Variants in MARK3 observed in about 807,000 individuals in gnomAD.
MARK3 encodes MAP/microtubule affinity-regulating kinase 3.
Under a neutral mutation model 90.1 loss-of-function variants are expected in MARK3, and 46 were observed. The observed-to-expected ratio is 0.51, with a 90% CI of 0.40 to 0.65. The LOEUF (loss-of-function observed/expected upper bound fraction) is 0.65, where lower values mean the gene tolerates loss of function less well. Among genes scored for constraint, MARK3 ranks in the 30% least tolerant of loss-of-function variants. The pLI is 0.00. For missense variants in MARK3, 818 were observed against 947.2 expected (o/e 0.86, Z 1.79); for synonymous variants, 321 against 332.6 (o/e 0.97, Z 0.38).
Position 103,466,960 on chromosome 14 carries a change from C to T in MARK3, c.998-119C>T, listed in dbSNP as rs541178844. 9.7e-4 allele frequency: 475 copies of T among 490,884 alleles called. 9 individuals are homozygous for T. In the South Asian group the frequency reaches 0.013, roughly 13 times the overall value. The allele number at this position is 490,884 out of a possible 1,614,324, so 30.4% of individuals were successfully genotyped here. On this transcript the variant is annotated intron_variant, in intron 10 of 17. Transcript: ENST00000429436. ...TGGAGGTTGCGGTGAGCCAAGATCG[C>T]GCCATTGCACTCCAGCCTGGGCAAC...
chr14:103,392,254 T>G (rs1356065903), intron 1 of MARK3, among the ~76,000 whole-genome samples: 1 of 152,222 alleles, frequency 6.6e-6, no homozygotes, highest in East Asian at 1.9e-4. Context: ...GTAGAGGCCA[T>G]ATACCTGGGA....
intron 14 of MARK3, chr14:103,490,967 C>T (rs770534608): frequency 3.9e-6 from 5 of 1,276,764 alleles, no homozygotes; most frequent in South Asian, 2.5e-5. Flanking sequence ...CAGAAATGTT[C>T]GCTTACGCAG....
intron 12 of MARK3, among the ~76,000 whole-genome samples, chr14:103,470,546 C>A (rs953524375): frequency 7.1e-6 from 1 of 140,212 alleles, no homozygotes; most frequent in African/African-American, 2.6e-5. Context: ...ACCTCCGCCT[C>A]CTGGGTTCTA....
chr14:103,427,265 C>G (rs1326341574), intron 2 of MARK3, among the ~76,000 whole-genome samples: 1 of 150,900 alleles, frequency 6.6e-6, no homozygotes, highest in Non-Finnish European at 1.5e-5. Flanking sequence ...ATTGGGAGGC[C>G]GAGGCAGGTG....
intron 3 of MARK3, among the ~76,000 whole-genome samples, chr14:103,440,725 G>T (rs2092829325): frequency 6.6e-6 from 1 of 151,942 alleles, no homozygotes. Context: ...TCCAAGCCAG[G>T]AGTTCAAGAA....
rs978343067 is a variant in MARK3 at position 103,412,143 on chromosome 14, C to T, written c.243+6876C>T. On this transcript the variant is annotated intron_variant, in intron 2 of 17. Transcript: ENST00000429436. ...CTTAATATAGGCGCTGGGGCTTGCC[C>T]GTGGTGCTCTTGATATATAAGGCCC... 2.2e-5 allele frequency: 30 copies of T among 1,349,326 alleles called. No homozygotes were observed. In the Admixed American group the frequency reaches 4.2e-4, roughly 19 times the overall value. The allele number at this position is 1,349,326 out of a possible 1,614,324, so 83.6% of individuals were successfully genotyped here. A position where few individuals can be genotyped will look rare whatever the true frequency, so the allele number is the denominator to read the frequency against.
intron 3 of MARK3, among the ~76,000 whole-genome samples, chr14:103,429,644 T>A (rs1192899887): frequency 6.6e-6 from 1 of 152,178 alleles, no homozygotes; most frequent in African/African-American, 2.4e-5. Context: ...CTTCTCAAGG[T>A]GGGCATGAAA....
chr14:103,492,299 G>A (rs1001431974), intron 15 of MARK3, among the ~76,000 whole-genome samples: 2 of 152,028 alleles, frequency 1.3e-5, no homozygotes, highest in South Asian at 2.1e-4. Flanking sequence ...TTTTGCTCAC[G>A]TATCTGTCTG....
intron 14 of MARK3, among the ~76,000 whole-genome samples, chr14:103,485,230 C>G (rs1243990470): frequency 4.0e-5 from 3 of 75,594 alleles, no homozygotes; most frequent in African/African-American, 1.2e-4. Context: ...AACCCCATCT[C>G]AAAGAAAAAA....
intron 15 of MARK3, among the ~76,000 whole-genome samples, chr14:103,498,289 C>A (rs2075456378): frequency 1.3e-5 from 2 of 151,196 alleles, no homozygotes; most frequent in African/African-American, 4.9e-5. Context: ...CCTTTTCTTA[C>A]TTTTTTTTGA....
intron 15 of MARK3, among the ~76,000 whole-genome samples, chr14:103,494,559 A>AAAC (rs1445447078): frequency 6.6e-6 from 1 of 151,740 alleles, no homozygotes; most frequent in Non-Finnish European, 1.5e-5. Flanking sequence ...AAAAAAAAAA[A>AAAC]AAAAAAGACT....
chr14:103,412,776 C>G, intron 2 of MARK3: 1 of 472,364 alleles, frequency 2.1e-6, no homozygotes, highest in South Asian at 1.8e-5. Flanking sequence ...TCTCATGCCA[C>G]GCTAACCAGA....
Position 103,468,147 on chromosome 14 carries a change from G to T in MARK3, c.1225G>T (p.Val409Phe). 6.2e-7 allele frequency: 1 copy of T among 1,613,894 alleles called. No homozygotes were observed. Among genetic ancestry groups the T allele is most frequent in the South Asian group, 1.1e-5 (1 of 91,074 alleles). ...QSPHHKVQRS[V>F]SSSQKQRRYS... ...TCCTCACCACAAAGTGCAGAGAAGT[G>T]TTTCTTCAAGCCAAAAGCAAAGACG... Residue 409 changes from valine to phenylalanine, a missense_variant, in exon 12 of 18, where the codon GTT becomes TTT. Coordinates refer to ENST00000429436, the MANE Select transcript of MARK3 (RefSeq NM_001128918.3).
intron 1 of MARK3, among the ~76,000 whole-genome samples, chr14:103,388,289 C>T (rs2089969976): frequency 6.6e-6 from 1 of 152,190 alleles, no homozygotes; most frequent in Non-Finnish European, 1.5e-5. Flanking sequence ...TATCACACAT[C>T]GTTGCATTAA....
chr14:103,466,434 A>T lies in MARK3; in HGVS notation c.989A>T (p.Lys330Ile). Residue 330 changes from lysine (K) to isoleucine (I), a missense_variant, in exon 10 of 18, where the codon AAA (lysine) becomes ATA (isoleucine). Coordinates refer to ENST00000429436, the MANE Select transcript of MARK3 (RefSeq NM_001128918.3). Reference protein sequence around the residue: ...VEPELDISDQKRIDIMVGMGY... With the variant: ...VEPELDISDQIRIDIMVGMGY... ...CCAGAGCTAGACATCTCAGACCAAA[A>T]AAGAATAGGTAATCACTCCATGCCT... 2 of 1,608,424 alleles carry T rather than the reference A, an allele frequency of 1.2e-6. No individual in the cohort carries two copies. The highest frequency in any genetic ancestry group is 1.7e-6 in the Non-Finnish European group (2 of 1,175,200).
At position 103,459,685 on chromosome 14, in the gene MARK3, GTA is replaced by G. The variant is rs1221320857; in HGVS notation, c.483+2474_483+2475del. Among the ~76,000 whole-genome samples, 737 of 109,998 alleles carry G rather than the reference GTA, an allele frequency of 6.7e-3. 3 individuals carry two copies. Among genetic ancestry groups the G allele is most frequent in the Admixed American group, 0.014 (144 of 10,494 alleles). 72.2% of individuals were successfully genotyped at this position (109,998 alleles called of 152,430 possible). A position where few individuals can be genotyped will look rare whatever the true frequency, so the allele number is the denominator to read the frequency against. Reference sequence around the variant, plus strand: ...CAGCTAATTTTTTATTTTTTTTTTTGTAATTTTAGTAGAGACAAGGTTTCACC... The same window carrying G: ...CAGCTAATTTTTTATTTTTTTTTTTGATTTTAGTAGAGACAAGGTTTCACC... On this transcript the variant is annotated intron_variant, in intron 6 of 17. Coordinates refer to ENST00000429436, the MANE Select transcript of MARK3 (RefSeq NM_001128918.3).
intron 10 of MARK3, 41 bp from the exon 11 acceptor site, chr14:103,467,038 C>G: frequency 1.1e-6 from 1 of 898,840 alleles, no homozygotes; most frequent in Non-Finnish European, 1.7e-6. Context: ...TGATTTCTTA[C>G]CCAAACAAAA....
chr14:103,410,763 CTT>C lies in MARK3; in HGVS notation c.243+5497_243+5498del, dbSNP rs540608111. 3.4e-3 allele frequency among the ~76,000 whole-genome samples: 519 copies of C among 151,562 alleles called. 3 individuals are homozygous for C. The highest frequency in any genetic ancestry group is 0.012 in the African/African-American group (497 of 41,328). On this transcript the variant is annotated intron_variant, in intron 2 of 17. Coordinates refer to ENST00000429436, the MANE Select transcript of MARK3 (RefSeq NM_001128918.3). ...TTATTCATTTTTCTTTTTTTTTAAT[CTT>C]AGTGATTTAAACCCTTTATGTTTCA...
chr14:103,462,287 C>T (rs2093417175), intron 6 of MARK3, 118 bp from the exon 7 acceptor site: 2 of 638,516 alleles, frequency 3.1e-6, no homozygotes, highest in Non-Finnish European at 5.2e-6. Context: ...TTTAGAAATC[C>T]ACACGGACAT....
Sources: allele counts gnomAD v4.1 joint callset (sites outside exome capture counted in the v4.1 genomes callset), GRCh38; gene constraint gnomAD v4.1.1; transcripts MANE v1.5; gene names NCBI Gene and HGNC (gene_info 2026-07-23, HGNC 2026-07-21).